GPRC5A: variants seen among roughly 807,000 people sequenced by gnomAD.
GPRC5A encodes G protein-coupled receptor class C group 5 member A, also known as retinoic acid-induced protein 3.
GPRC5A carries 19 observed loss-of-function variants against 22.5 expected under a neutral mutation model. The observed-to-expected ratio is 0.85, with a 90% CI of 0.59 to 1.24. The LOEUF (loss-of-function observed/expected upper bound fraction) is 1.24. Among genes scored for constraint, GPRC5A ranks in the 50% most tolerant of loss-of-function variants. The pLI, the probability that GPRC5A is intolerant of heterozygous loss-of-function variation, is 0.00. For synonymous variants in GPRC5A, 192 were observed against 184.5 expected (o/e 1.04, Z -0.33); for missense variants, 471 against 451.1 (o/e 1.04, Z -0.40).
At chr12:12,911,448 C>T (rs1384499304) in intron 2 of GPRC5A, among the ~76,000 whole-genome samples, 1 of 152,004 alleles carries the variant, frequency 6.6e-6, no homozygotes, top group Non-Finnish European at 1.5e-5. Context: ...ACACCCCTGG[C>T]CAGATCTATA....
chr12:12,904,780 GTA>G (rs1409482628), intron 1 of GPRC5A, among the ~76,000 whole-genome samples: 3 of 151,142 alleles, frequency 2.0e-5, no homozygotes, highest in African/African-American at 7.3e-5. Flanking sequence ...GTATGTATAT[GTA>G]TATATTGCAT....
chr12:12,900,891 CAAA>C (rs756416857), intron 1 of GPRC5A, among the ~76,000 whole-genome samples: 1,074 of 21,658 alleles, frequency 0.05, 41 homozygotes, highest in African/African-American at 0.17. Flanking sequence ...AACTCCGTCT[CAAA>C]AAAAAAAAAA....
rs1864054536 is a variant in GPRC5A, at chr12:12,915,496, T to A, written c.*2957T>A. 6.5e-6 allele frequency: 1 copy of A among 153,970 alleles called. No individual in the cohort carries two copies. Among genetic ancestry groups the A allele is most frequent in the Admixed American group, 6.5e-5 (1 of 15,284 alleles). 9.5% of individuals were successfully genotyped at this position (153,970 alleles called of 1,614,324 possible). On this transcript the variant is annotated 3_prime_UTR_variant, in exon 4 of 4. Coordinates refer to ENST00000014914, the MANE Select transcript of GPRC5A (RefSeq NM_003979.4). ...CAGGCGTGAGCTACTGCACCCGGCC[T>A]GCTTTCTTTTTAGTGAAAAGGATCT...
chr12:12,902,197 T>C (rs764079665), intron 1 of GPRC5A, among the ~76,000 whole-genome samples: 7 of 152,170 alleles, frequency 4.6e-5, no homozygotes, highest in Non-Finnish European at 1.0e-4. Context: ...ATTTTCCTCT[T>C]ACTAAATTCA....
At position 12,908,942 on chromosome 12, in the gene GPRC5A, C is replaced by T. The variant is rs749645445; in HGVS notation, c.693C>T (p.Leu231=). Residue 231 remains leucine (L), a synonymous_variant, in exon 2 of 4, where the codon CTC becomes CTT. Transcript: ENST00000014914. ...IAIWVAWITL[L]MLPDFDRRWD... is the part of the protein sequence containing the mutation. ...TCTGGGTGGCCTGGATCACCCTGCT[C>T]ATGCTTCCTGACTTTGACCGCAGGT... The T allele has an allele frequency of 1.4e-5, 22 of 1,613,906 alleles. 1 individual carries two copies. Among genetic ancestry groups the T allele is most frequent in the Admixed American group, 3.3e-5 (2 of 60,014 alleles).
chr12:12,903,341 C>A (rs113891087), intron 1 of GPRC5A, among the ~76,000 whole-genome samples: 1 of 152,068 alleles, frequency 6.6e-6, no homozygotes, highest in African/African-American at 2.4e-5. Flanking sequence ...ATTGCGGTGA[C>A]GTGATCACAG....
chr12:12,903,535 C>T (rs778319899), intron 1 of GPRC5A, among the ~76,000 whole-genome samples: 2 of 152,202 alleles, frequency 1.3e-5, no homozygotes, highest in Non-Finnish European at 2.9e-5. Flanking sequence ...GATCAGCCCG[C>T]TTCGGCCTCC....
chr12:12,897,021 G>A (rs1222865473), intron 1 of GPRC5A, among the ~76,000 whole-genome samples: 4 of 152,094 alleles, frequency 2.6e-5, no homozygotes, highest in Admixed American at 1.3e-4. Context: ...GAGCCCAGGA[G>A]TTCGAGACCA....
In GPRC5A at chr12:12,908,593, A is replaced by T; in HGVS notation, c.344A>T (p.His115Leu). 1 of 1,614,074 alleles carries T rather than the reference A, an allele frequency of 6.2e-7. No homozygotes were observed. Among genetic ancestry groups the T allele is most frequent in the Non-Finnish European group, 8.5e-7 (1 of 1,180,008 alleles). The change falls in exon 2 of 4, where the codon CAT becomes CTT. Residue 115 changes from histidine to leucine, a missense_variant. Physicochemically the swap from His to Leu is moderately conservative, Grantham distance 99 (BLOSUM62 -3). Transcript: ENST00000014914. Reference sequence around the variant, plus strand: ...ATCTGCTTCTCCTGCCTGCTGGCTCATGCTGTCAGTCTGACCAAGCTCGTC... The same window carrying T: ...ATCTGCTTCTCCTGCCTGCTGGCTCTTGCTGTCAGTCTGACCAAGCTCGTC... Reference protein sequence around the residue: ...FSICFSCLLAHAVSLTKLVRG... With the variant: ...FSICFSCLLALAVSLTKLVRG...
chr12:12,905,481 A>C (rs764511783), intron 1 of GPRC5A, among the ~76,000 whole-genome samples: 1 of 152,240 alleles, frequency 6.6e-6, no homozygotes, highest in Non-Finnish European at 1.5e-5. Flanking sequence ...TCCCATGCCC[A>C]AAAAGCATGG....
intron 1 of GPRC5A, among the ~76,000 whole-genome samples, chr12:12,893,150 A>G (rs1389838170): frequency 6.6e-6 from 1 of 152,200 alleles, no homozygotes; most frequent in African/African-American, 2.4e-5. Context: ...CCGCAGGAAC[A>G]TGGAACTGTG....
chr12:12,911,043 T>C (rs1418340868), intron 2 of GPRC5A, among the ~76,000 whole-genome samples: 1 of 152,050 alleles, frequency 6.6e-6, no homozygotes, highest in South Asian at 2.1e-4. Flanking sequence ...ACTAATTTTT[T>C]TGTGTTTTTA....
chr12:12,900,537 T>A (rs1322962498), intron 1 of GPRC5A, among the ~76,000 whole-genome samples: 2 of 152,148 alleles, frequency 1.3e-5, no homozygotes, highest in Non-Finnish European at 2.9e-5. Context: ...TCCTCTTCCT[T>A]TCCTCCCTCT....
chr12:12,912,289 C>A (rs1038537111), intron 3 of GPRC5A, 147 bp downstream of exon 3: 1 of 854,058 alleles, frequency 1.2e-6, no homozygotes, highest in South Asian at 1.4e-5. Flanking sequence ...AGCGGCCTCA[C>A]GGGGTTAGTG....
At chr12:12,901,412 T>C (rs2136457966) in intron 1 of GPRC5A, among the ~76,000 whole-genome samples, 1 of 152,206 alleles carries the variant, frequency 6.6e-6, no homozygotes, top group Non-Finnish European at 1.5e-5. Context: ...GAAAGGTGGC[T>C]AGAACCAAGG....
intron 1 of GPRC5A, among the ~76,000 whole-genome samples, chr12:12,900,923 A>ACAC (rs376043724): frequency 3.6e-5 from 4 of 109,878 alleles, no homozygotes; most frequent in East Asian, 8.2e-4. Context: ...ACAAAAAAAA[A>ACAC]ACAACCCAGA....
At chr12:12,902,565 A>C (rs1294688562) in intron 1 of GPRC5A, among the ~76,000 whole-genome samples, 1 of 150,834 alleles carries the variant, frequency 6.6e-6, no homozygotes, top group Non-Finnish European at 1.5e-5. Flanking sequence ...GGAGTTCAAG[A>C]CCAGCCTGGG....
Position 12,912,505 on chromosome 12 carries a change from A to G in GPRC5A, c.1040A>G (p.Tyr347Cys), listed in dbSNP as rs759993863. 4.3e-6 allele frequency: 7 copies of G among 1,611,338 alleles called. No homozygotes were observed. The highest frequency in any genetic ancestry group is 4.5e-5 in the East Asian group (2 of 44,894). ...CGGGCCCACGCTTGGCCGAGCCCTT[A>G]CAAAGACTATGAAGTAAAGAAAGAG... ...IPRAHAWPSP[Y>C]KDYEVKKEGS Residue 347 changes from tyrosine (Y) to cysteine (C), a missense_variant, in exon 4 of 4, where the codon TAC becomes TGC. Tyr to Cys is a radical substitution (Grantham distance 194). Coordinates refer to ENST00000014914, the MANE Select transcript of GPRC5A (RefSeq NM_003979.4).
At chr12:12,910,156 G>A (rs1429998652) in intron 2 of GPRC5A, among the ~76,000 whole-genome samples, 1 of 152,070 alleles carries the variant, frequency 6.6e-6, no homozygotes, top group Non-Finnish European at 1.5e-5. Flanking sequence ...TAGGAATGAG[G>A]AACCTCCAAG....
Sources: allele counts gnomAD v4.1 joint callset (sites outside exome capture counted in the v4.1 genomes callset), GRCh38; gene constraint gnomAD v4.1.1; transcripts MANE v1.5; gene names NCBI Gene and HGNC (gene_info 2026-07-23, HGNC 2026-07-21).